The following ENTREP2 variants were observed in gnomAD, a reference collection of about 807,000 sequenced individuals.
The protein encoded by ENTREP2 is protein ENTREP2.
chr15:29,405,952 A>G, the ENTREP2 span, among the ~76,000 whole-genome samples: 2 of 152,248 alleles, frequency 1.3e-5, no homozygotes. Context: ...CAAGTTAGGA[A>G]AGGCAGATAA....
At chr15:29,347,447 A>C in the ENTREP2 span, among the ~76,000 whole-genome samples, 3 of 152,044 alleles carry the variant, frequency 2.0e-5, no homozygotes, top group African/African-American at 4.8e-5. Flanking sequence ...TTGGAATTAC[A>C]GGTGTCAGCC....
the ENTREP2 span, among the ~76,000 whole-genome samples, chr15:29,652,279 G>A: frequency 6.6e-6 from 1 of 152,194 alleles, no homozygotes; most frequent in Non-Finnish European, 1.5e-5. Context: ...TCTCTGCTGA[G>A]GGCTGAACAC....
chr15:29,551,819 A>T, the ENTREP2 span, among the ~76,000 whole-genome samples: 1 of 152,224 alleles, frequency 6.6e-6, no homozygotes, highest in African/African-American at 2.4e-5. Context: ...GCAAGGGAGA[A>T]GCAAGTAAAC....
At chr15:29,389,296 T>C in the ENTREP2 span, among the ~76,000 whole-genome samples, 1 of 152,150 alleles carries the variant, frequency 6.6e-6, no homozygotes, top group Admixed American at 6.5e-5. Flanking sequence ...GCTATTTCGT[T>C]ATGGCAGCCT....
At chr15:29,247,785 G>A in the ENTREP2 span, among the ~76,000 whole-genome samples, 1 of 152,134 alleles carries the variant, frequency 6.6e-6, no homozygotes, top group Non-Finnish European at 1.5e-5. Flanking sequence ...TGGTAGGACA[G>A]GTAAGCAAAT....
chr15:29,444,130 AAGAC>A, the ENTREP2 span, among the ~76,000 whole-genome samples: 2 of 117,232 alleles, frequency 1.7e-5, no homozygotes, highest in Non-Finnish European at 3.6e-5. Context: ...GACAGAAAGA[AAGAC>A]AGACAGAAAG....
chr15:29,323,019 A>G, the ENTREP2 span, among the ~76,000 whole-genome samples: 1 of 152,236 alleles, frequency 6.6e-6, no homozygotes, highest in Admixed American at 6.5e-5. Context: ...AATGATAGCA[A>G]TGTCATAAGA....
the ENTREP2 span, among the ~76,000 whole-genome samples, chr15:29,244,266 G>T: frequency 6.6e-6 from 1 of 152,196 alleles, no homozygotes; most frequent in Admixed American, 6.5e-5. Flanking sequence ...ATCTTAGAAA[G>T]CCAGGATGGA....
chr15:29,595,578 G>A, the ENTREP2 span, among the ~76,000 whole-genome samples: 1 of 152,040 alleles, frequency 6.6e-6, no homozygotes, highest in Non-Finnish European at 1.5e-5. Flanking sequence ...CAGCTTCTCA[G>A]GCATTCCTTA....
chr15:29,628,127 A>G, the ENTREP2 span, among the ~76,000 whole-genome samples: 1 of 152,250 alleles, frequency 6.6e-6, no homozygotes, highest in South Asian at 2.1e-4. Context: ...ATTTCTTCAC[A>G]TCCTCACCAA....
the ENTREP2 span, chr15:29,136,229 G>A: frequency 1.7e-5 from 16 of 923,882 alleles, no homozygotes; most frequent in African/African-American, 6.8e-5. Context: ...GGGGGCCTCG[G>A]CACAGGGCGC....
chr15:29,646,743 T>A, the ENTREP2 span, among the ~76,000 whole-genome samples: 2 of 152,134 alleles, frequency 1.3e-5, no homozygotes, highest in African/African-American at 4.8e-5. Context: ...TAACCAGGGA[T>A]GGAAATCTTG....
the ENTREP2 span, chr15:29,267,056 A>T: frequency 2.6e-5 from 4 of 152,252 alleles, no homozygotes; most frequent in Non-Finnish European, 4.4e-5. Flanking sequence ...TAAAATGCAG[A>T]TCAAGAAGAA....
At chr15:29,429,548 C>G in the ENTREP2 span, among the ~76,000 whole-genome samples, 1 of 152,168 alleles carries the variant, frequency 6.6e-6, no homozygotes. Context: ...TTTGGGACTC[C>G]CACGTTGGAG....
the ENTREP2 span, among the ~76,000 whole-genome samples, chr15:29,546,652 C>T: frequency 7.9e-5 from 12 of 151,864 alleles, no homozygotes; most frequent in South Asian, 2.1e-4. Context: ...TTTGGGAGGC[C>T]GAGGCAGGCG....
chr15:29,439,124 T>G, the ENTREP2 span, among the ~76,000 whole-genome samples: 1 of 152,080 alleles, frequency 6.6e-6, no homozygotes, highest in African/African-American at 2.4e-5. Context: ...AGCACCCTGG[T>G]TTTCTAATAC....
At chr15:29,341,417 C>T in the ENTREP2 span, among the ~76,000 whole-genome samples, 3 of 152,206 alleles carry the variant, frequency 2.0e-5, no homozygotes, top group Non-Finnish European at 4.4e-5. Flanking sequence ...TGAACACTCA[C>T]GGGTCATAAC....
chr15:29,390,190 C>G, the ENTREP2 span, among the ~76,000 whole-genome samples: 1 of 152,190 alleles, frequency 6.6e-6, no homozygotes, highest in East Asian at 1.9e-4. Context: ...TCAATTCCAG[C>G]TACCAGCAAG....
the ENTREP2 span, among the ~76,000 whole-genome samples, chr15:29,490,047 T>C: frequency 3.6e-4 from 55 of 152,360 alleles, no homozygotes; most frequent in South Asian, 0.011. Flanking sequence ...AAATGAATTA[T>C]ATAGTCAAAG....
Sources: gnomAD v4.1 joint callset for allele counts (sites outside exome capture counted in the v4.1 genomes callset) on GRCh38, gnomAD v4.1.1 for gene constraint, MANE v1.5 for transcripts, NCBI Gene and HGNC (gene_info 2026-07-23, HGNC 2026-07-21) for gene names.